Variants in CA10 observed in about 807,000 individuals in gnomAD.
CA10 encodes carbonic anhydrase 10 (inactive).
CA10 carries 14 observed loss-of-function variants against 44.2 expected under a neutral mutation model. The observed-to-expected ratio is 0.32, with a 90% CI of 0.21 to 0.50. The LOEUF (loss-of-function observed/expected upper bound fraction) is 0.50, where lower values mean the gene tolerates loss of function less well. Among genes scored for constraint, CA10 ranks in the 20% least tolerant of loss-of-function variants. CA10 has a pLI of 0.99. For synonymous variants in CA10, 159 were observed against 141.6 expected, an observed-to-expected ratio of 1.12 and a Z score of -0.87; for missense variants, 350 against 409.7, an observed-to-expected ratio of 0.85 and a Z score of 1.26.
At chr17:52,027,618 A>C (rs895698426) in intron 2 of CA10, among the ~76,000 whole-genome samples, 8 of 152,142 alleles carry the variant, frequency 5.3e-5, no homozygotes, top group Non-Finnish European at 1.0e-4. Flanking sequence ...CCTGAGGCTG[A>C]AGCAGTGACT....
chr17:51,689,489 A>G (rs1231122662), intron 4 of CA10, among the ~76,000 whole-genome samples: 1 of 152,246 alleles, frequency 6.6e-6, no homozygotes, highest in African/African-American at 2.4e-5. Context: ...CAAAGGAGAA[A>G]GTGAATGATC....
intron 1 of CA10, among the ~76,000 whole-genome samples, chr17:52,138,906 C>A (rs1989417598): frequency 6.6e-6 from 1 of 152,178 alleles, no homozygotes; most frequent in Non-Finnish European, 1.5e-5. Context: ...GTGGACACAG[C>A]CTCCTGTGCT....
intron 4 of CA10, among the ~76,000 whole-genome samples, chr17:51,696,986 G>A (rs910752936): frequency 1.3e-5 from 2 of 151,834 alleles, no homozygotes; most frequent in African/African-American, 4.8e-5. Context: ...ATGTGTTTTG[G>A]CTTTGGGAAA....
intron 1 of CA10, among the ~76,000 whole-genome samples, chr17:52,125,062 C>T (rs559262258): frequency 6.6e-6 from 1 of 152,342 alleles, no homozygotes; most frequent in Admixed American, 6.5e-5. Flanking sequence ...AGCTTTTGCA[C>T]ACACAGCTCC....
At chr17:51,970,139 G>A (rs1984229241) in intron 2 of CA10, among the ~76,000 whole-genome samples, 1 of 152,004 alleles carries the variant, frequency 6.6e-6, no homozygotes, top group Admixed American at 6.6e-5. Context: ...ACTATGCAAG[G>A]CTGGGCAAAA....
chr17:51,897,714 T>C (rs1981133018), intron 3 of CA10, among the ~76,000 whole-genome samples: 1 of 152,158 alleles, frequency 6.6e-6, no homozygotes, highest in Non-Finnish European at 1.5e-5. Context: ...TGTGTTCCCA[T>C]TTGTTTTTGT....
intron 3 of CA10, among the ~76,000 whole-genome samples, chr17:51,760,380 G>C (rs1194307352): frequency 4.6e-5 from 7 of 152,186 alleles, no homozygotes; most frequent in South Asian, 2.1e-4. Context: ...TGTGCTCTAG[G>C]ACACACTGAA....
At position 51,633,456 on chromosome 17, in the gene CA10, C is replaced by T; in HGVS notation, c.964+20G>A. On this transcript the variant is annotated intron_variant, in intron 8 of 8. Transcript: ENST00000451037. The stretch of plus-strand genomic sequence containing the variant: ...TGAGCTCTAGCCTAGATCCTCCACT[C>T]TCTGAGCCACCAAACCCACCTCTAT... 1 of 1,606,368 alleles carries T rather than the reference C, an allele frequency of 6.2e-7. No homozygotes were observed.
At chr17:51,875,293 G>C (rs1463186258) in intron 3 of CA10, among the ~76,000 whole-genome samples, 2 of 152,144 alleles carry the variant, frequency 1.3e-5, no homozygotes, top group African/African-American at 4.8e-5. Flanking sequence ...TTATGGGTAT[G>C]AGGCACTGTG....
chr17:51,868,804 CAA>C (rs1979668963), intron 3 of CA10, among the ~76,000 whole-genome samples: 1 of 151,934 alleles, frequency 6.6e-6, no homozygotes, highest in Admixed American at 6.6e-5. Context: ...GATTCTTGCC[CAA>C]GAGTGTTGAT....
intron 3 of CA10, among the ~76,000 whole-genome samples, chr17:51,901,609 G>A (rs1279175991): frequency 6.6e-6 from 1 of 152,094 alleles, no homozygotes; most frequent in African/African-American, 2.4e-5. Context: ...GTGTGGCAGG[G>A]ATGGGGTACT....
At chr17:51,840,008 T>A (rs1978305997) in intron 3 of CA10, among the ~76,000 whole-genome samples, 1 of 152,226 alleles carries the variant, frequency 6.6e-6, no homozygotes, top group South Asian at 2.1e-4. Context: ...CGGGCTCATG[T>A]GCATAAAGTA....
chr17:51,650,305 A>G (rs1038883075), intron 5 of CA10, among the ~76,000 whole-genome samples: 3 of 152,172 alleles, frequency 2.0e-5, no homozygotes, highest in Non-Finnish European at 4.4e-5. Context: ...TCTGTAATTT[A>G]TGTCTCAGTG....
At chr17:51,699,121 G>A (rs894742246) in intron 4 of CA10, among the ~76,000 whole-genome samples, 13 of 152,078 alleles carry the variant, frequency 8.5e-5, no homozygotes, top group Non-Finnish European at 1.9e-4. Context: ...AGGTGTTTGA[G>A]ACCAGCCTGG....
intron 3 of CA10, among the ~76,000 whole-genome samples, chr17:51,927,965 G>A (rs1016953411): frequency 6.6e-6 from 1 of 152,112 alleles, no homozygotes; most frequent in Admixed American, 6.6e-5. Flanking sequence ...GTGGAGATTG[G>A]TTCCAAGGTA....
chr17:51,848,743 T>C (rs1397534564), intron 3 of CA10, among the ~76,000 whole-genome samples: 1 of 152,120 alleles, frequency 6.6e-6, no homozygotes, highest in Non-Finnish European at 1.5e-5. Context: ...AGAAATCCTT[T>C]TGAAACTAAA....
At chr17:51,987,972 GCTT>G (rs776364325) in intron 2 of CA10, among the ~76,000 whole-genome samples, 10 of 151,932 alleles carry the variant, frequency 6.6e-5, no homozygotes, top group Non-Finnish European at 1.5e-4. Flanking sequence ...AATCTTCTCT[GCTT>G]CTTATTCTTC....
At chr17:51,798,640 G>A (rs577438909) in intron 3 of CA10, among the ~76,000 whole-genome samples, 2 of 152,312 alleles carry the variant, frequency 1.3e-5, no homozygotes, top group South Asian at 4.1e-4. Context: ...TGCAGCTTGA[G>A]AATTTTTTTA....
At chr17:51,996,382 C>G (rs113750577) in intron 2 of CA10, among the ~76,000 whole-genome samples, 7 of 151,990 alleles carry the variant, frequency 4.6e-5, no homozygotes, top group Non-Finnish European at 1.0e-4. Context: ...CTAGCCTAGA[C>G]AATTACAATC....
Sources: allele counts gnomAD v4.1 joint callset (sites outside exome capture counted in the v4.1 genomes callset), GRCh38; gene constraint gnomAD v4.1.1; transcripts MANE v1.5; gene names NCBI Gene and HGNC (gene_info 2026-07-23, HGNC 2026-07-21).